MINAR1: variants seen among roughly 807,000 people sequenced by gnomAD.
The protein encoded by MINAR1 is major intrinsically disordered Notch2-binding receptor 1.
Under a neutral mutation model 65.1 loss-of-function variants are expected in MINAR1, and 40 were observed. The ratio of observed to expected loss-of-function variants is 0.61; its 90% CI spans 0.48 to 0.80. The LOEUF is 0.80. MINAR1 is among the 30% of genes least tolerant of loss of function. MINAR1 has a pLI of 0.00. For synonymous variants in MINAR1, 482 were observed against 449.1 expected, an observed-to-expected ratio of 1.07 and a Z score of -0.93; for missense variants, 1,128 against 1,148.0, an observed-to-expected ratio of 0.98 and a Z score of 0.25.
intron 1 of MINAR1, among the ~76,000 whole-genome samples, chr15:79,452,262 CTG>C (rs200511376): frequency 0.023 from 3,441 of 151,624 alleles, 133 homozygotes; most frequent in African/African-American, 0.076. Flanking sequence ...GAGCGTGAGT[CTG>C]TGTGTTTAGG....
At chr15:79,446,684 T>C (rs1036988764) in intron 1 of MINAR1, among the ~76,000 whole-genome samples, 1 of 152,308 alleles carries the variant, frequency 6.6e-6, no homozygotes, top group East Asian at 1.9e-4. Context: ...ATTATTTATA[T>C]GTCTTATTTA....
chr15:79,430,483 T>C (rs1289011400), upstream of MINAR1, among the ~76,000 whole-genome samples: 1 of 152,224 alleles, frequency 6.6e-6, no homozygotes, highest in Non-Finnish European at 1.5e-5. Flanking sequence ...AATCTGCCCC[T>C]GAACTCAAAG....
At chr15:79,419,705 G>A in the MINAR1 span, 3 of 152,104 alleles carry the variant, frequency 2.0e-5, no homozygotes, top group Non-Finnish European at 4.4e-5. Context: ...TTCAATAAAC[G>A]AGCTGAATAG....
rs1409758254 is a variant in MINAR1, at chr15:79,458,235, C to G, written c.2088C>G (p.Val696=). The G allele has an allele frequency of 4.3e-6, 7 of 1,614,068 alleles. No individual in the cohort carries two copies. The highest frequency in any genetic ancestry group is 5.9e-6 in the Non-Finnish European group (7 of 1,180,030). ...ASGSNSESLR[V]KALKKSLFTR... ...GGAGCAACAGTGAAAGCCTGCGGGTCAAGGCCTTAAAAAAAAGCCTCTTCA... is the reference window on the plus strand; with the variant it reads ...GGAGCAACAGTGAAAGCCTGCGGGTGAAGGCCTTAAAAAAAAGCCTCTTCA... The change falls in exon 2 of 4, where the codon GTC becomes GTG. Residue 696 remains valine (V), a synonymous_variant. Transcript: ENST00000305428.
Position 79,456,234 on chromosome 15 carries a change from C to A in MINAR1, c.87C>A (p.Asp29Glu), listed in dbSNP as rs141098308. ...DSKQNTVSYQ[D>E]LCKSLCARFD... ...AGCAAAATACCGTTTCTTATCAGGA[C>A]CTGTGCAAATCTCTCTGTGCCCGGT... The change falls in exon 2 of 4, where the codon GAC becomes GAA. Residue 29 changes from aspartate to glutamate, a missense_variant. Coordinates refer to ENST00000305428, the MANE Select transcript of MINAR1 (RefSeq NM_015206.3). 1 of 1,614,138 alleles carries A rather than the reference C, an allele frequency of 6.2e-7. No homozygotes were observed. Among genetic ancestry groups the A allele is most frequent in the Admixed American group, 1.7e-5 (1 of 60,018 alleles).
Position 79,457,269 on chromosome 15 carries a change from G to T in MINAR1, c.1122G>T (p.Glu374Asp), listed in dbSNP as rs1422099354. The change falls in exon 2 of 4, where the codon GAG (glutamate) becomes GAT (aspartate). Residue 374 changes from glutamate (E) to aspartate (D), a missense_variant. By Grantham distance (45) the Glu-to-Asp change is conservative. Coordinates refer to ENST00000305428, the MANE Select transcript of MINAR1 (RefSeq NM_015206.3). ...WPAKSWSLNT[E>D]EVPDFERSFF... ...CCAAAAGCTGGAGCCTAAACACAGA[G>T]GAAGTTCCTGACTTTGAACGGTCCT... The T allele has an allele frequency of 6.2e-7, 1 of 1,614,156 alleles. No individual in the cohort carries two copies. The highest frequency in any genetic ancestry group is 8.5e-7 in the Non-Finnish European group (1 of 1,180,034).
At chr15:79,434,231 A>C (rs1251625217) in intron 1 of MINAR1, among the ~76,000 whole-genome samples, 1 of 152,240 alleles carries the variant, frequency 6.6e-6, no homozygotes, top group African/African-American at 2.4e-5. Context: ...GAAGGCAGAC[A>C]AAAGGTTTTG....
intron 1 of MINAR1, among the ~76,000 whole-genome samples, chr15:79,449,705 G>A (rs1049634712): frequency 6.6e-6 from 1 of 152,144 alleles, no homozygotes; most frequent in African/African-American, 2.4e-5. Context: ...GGTCTTAAAG[G>A]TCCTACTTCT....
At position 79,440,251 on chromosome 15, in the gene MINAR1, G is replaced by T. The variant is rs113627323; in HGVS notation, c.-51+7711G>T. On this transcript the variant is annotated intron_variant, in intron 1 of 3. Transcript: ENST00000305428. ...TTTACAAGGCTGTTGTGAGTTTCCC[G>T]CATAAGGAGAAGATCTGGGGTTTGG... Among the ~76,000 whole-genome samples the T allele has an allele frequency of 6.4e-3, 975 of 152,200 alleles. 7 individuals are homozygous for T. The highest frequency in any genetic ancestry group is 0.022 in the African/African-American group (931 of 41,520).
At chr15:79,468,097 T>A in intron 3 of MINAR1, 90 bp from the exon 4 acceptor site, 1 of 1,028,730 alleles carries the variant, frequency 9.7e-7, no homozygotes, top group Admixed American at 2.1e-5. Context: ...TGCAGACAAC[T>A]TAAGTGCTTC....
chr15:79,434,455 T>C (rs1387216168), intron 1 of MINAR1, among the ~76,000 whole-genome samples: 1 of 152,230 alleles, frequency 6.6e-6, no homozygotes, highest in Non-Finnish European at 1.5e-5. Flanking sequence ...TCTGGGAATT[T>C]TCTCACTCAG....
intron 1 of MINAR1, among the ~76,000 whole-genome samples, chr15:79,443,445 G>A (rs995186561): frequency 1.3e-5 from 2 of 152,186 alleles, no homozygotes; most frequent in Non-Finnish European, 2.9e-5. Flanking sequence ...GGCCTTAAAT[G>A]TAGGCCTTAT....
intron 2 of MINAR1, among the ~76,000 whole-genome samples, chr15:79,459,286 C>T (rs1206063019): frequency 6.6e-6 from 1 of 152,120 alleles, no homozygotes; most frequent in African/African-American, 2.4e-5. Flanking sequence ...CACTGTTGTT[C>T]GTTGGAGGCT....
At chr15:79,452,147 G>T (rs1895225740) in intron 1 of MINAR1, among the ~76,000 whole-genome samples, 1 of 152,218 alleles carries the variant, frequency 6.6e-6, no homozygotes, top group Non-Finnish European at 1.5e-5. Flanking sequence ...AAGTGCGACA[G>T]CGTATGTGTG....
intron 3 of MINAR1, among the ~76,000 whole-genome samples, chr15:79,465,447 TG>T (rs1379450831): frequency 6.6e-6 from 1 of 152,114 alleles, no homozygotes; most frequent in East Asian, 1.9e-4. Context: ...AATTAATAAC[TG>T]CATACACTCA....
chr15:79,448,649 C>G (rs545704978), intron 1 of MINAR1, among the ~76,000 whole-genome samples: 1 of 152,236 alleles, frequency 6.6e-6, no homozygotes, highest in Admixed American at 6.5e-5. Context: ...CACTTTATTT[C>G]AGTTTTTGAA....
chr15:79,459,171 T>C (rs1895550281), intron 2 of MINAR1, among the ~76,000 whole-genome samples: 1 of 152,054 alleles, frequency 6.6e-6, no homozygotes, highest in African/African-American at 2.4e-5. Flanking sequence ...AGAGCAAGAC[T>C]GTCTCAAGAA....
chr15:79,420,135 C>G, the MINAR1 span: 1 of 152,114 alleles, frequency 6.6e-6, no homozygotes, highest in Non-Finnish European at 1.5e-5. Flanking sequence ...GTCTCAGTAA[C>G]ACTAGGTGGA....
chr15:79,425,505 C>A, the MINAR1 span: 1 of 152,252 alleles, frequency 6.6e-6, no homozygotes, highest in Non-Finnish European at 1.5e-5. Flanking sequence ...AAATTAGAAT[C>A]TCAAACCATG....
Sources: allele counts gnomAD v4.1 joint callset (sites outside exome capture counted in the v4.1 genomes callset), GRCh38; gene constraint gnomAD v4.1.1; transcripts MANE v1.5; gene names NCBI Gene and HGNC (gene_info 2026-07-23, HGNC 2026-07-21).